DDX27: variants seen among roughly 807,000 people sequenced by gnomAD.
DDX27 encodes DEAD-box helicase 27, also known as probable ATP-dependent RNA helicase DDX27.
A neutral mutation model predicts 99.3 loss-of-function variants in DDX27; 42 were observed. The observed-to-expected ratio is 0.42, with a 90% CI of 0.33 to 0.55. DDX27 has a LOEUF of 0.55. Ranked by LOEUF, DDX27 falls within the 20% of genes least tolerant of loss-of-function variation. The probability of loss-of-function intolerance (pLI) is 0.07; values close to 1 mark genes in which losing one functional copy is unlikely to be tolerated. For synonymous variants in DDX27, 329 were observed against 353.8 expected (o/e 0.93, Z 0.79); for missense variants, 798 against 976.8 (o/e 0.82, Z 2.44).
At chr20:49,242,787 T>A in intron 19 of DDX27, 106 bp downstream of exon 19, 1 of 1,090,580 alleles carries the variant, frequency 9.2e-7, no homozygotes, top group Non-Finnish European at 1.3e-6. Context: ...CAGTGGTGCA[T>A]CTTAGCTCAC....
chr20:49,222,517 A>G (rs1979726047), intron 2 of DDX27, among the ~76,000 whole-genome samples: 1 of 151,430 alleles, frequency 6.6e-6, no homozygotes, highest in South Asian at 2.1e-4. Context: ...GAGGATTAAA[A>G]AAATTTTTTT....
At chr20:49,234,701 A>G in intron 11 of DDX27, 1 of 419,042 alleles carries the variant, frequency 2.4e-6, no homozygotes. Flanking sequence ...ACCTCTTCAG[A>G]GAGGCCAGCC....
At chr20:49,221,199 A>T (rs181305984) in intron 1 of DDX27, among the ~76,000 whole-genome samples, 189 of 152,070 alleles carry the variant, frequency 1.2e-3, no homozygotes, top group African/African-American at 4.4e-3. Context: ...TGACCTTGTG[A>T]TCCACCCACC....
chr20:49,228,064 C>T (rs1979964683), intron 7 of DDX27, among the ~76,000 whole-genome samples: 1 of 151,528 alleles, frequency 6.6e-6, no homozygotes, highest in Non-Finnish European at 1.5e-5. Flanking sequence ...TGGTCTTGAA[C>T]CCCTGACCTC....
At chr20:49,226,389 C>T (rs373326945) in intron 6 of DDX27, 41 bp from the exon 7 acceptor site, 6 of 1,534,350 alleles carry the variant, frequency 3.9e-6, no homozygotes, top group African/African-American at 2.7e-5. Context: ...GCTGAGACTT[C>T]CCCCGCTCAA....
In DDX27 at chr20:49,219,667, C is replaced by G. The variant is rs1979559185; in HGVS notation, c.93+126C>G. 3.2e-5 allele frequency: 32 copies of G among 1,009,988 alleles called. 1 individual carries two copies. In the South Asian group the frequency reaches 5.6e-4, roughly 18 times the overall value. The allele number at this position is 1,009,988 out of a possible 1,614,324, so 62.6% of individuals were successfully genotyped here. On this transcript the variant is annotated intron_variant, in intron 1 of 20. Transcript: ENST00000618172. Reference sequence around the variant, plus strand: ...CGGAAGTTTCCCGAAAAGGATCTCACCGGGACCCCAAGATCTTCCTCAGTT... The same window carrying G: ...CGGAAGTTTCCCGAAAAGGATCTCAGCGGGACCCCAAGATCTTCCTCAGTT...
chr20:49,224,737 G>A lies in DDX27; in HGVS notation c.467-208G>A, dbSNP rs141312816. 1.0e-3 allele frequency: 606 copies of A among 597,730 alleles called. 4 individuals carry two copies. The African/African-American group carries it at 0.01, about 10-fold the overall frequency. 37.0% of individuals were successfully genotyped at this position (597,730 alleles called of 1,614,324 possible). ...GTAGTGGTCGAGAGCCTGGTCTCTGGACCAGAGTCACTGGGTTAGCTTTCT... is the reference window on the plus strand; with the variant it reads ...GTAGTGGTCGAGAGCCTGGTCTCTGAACCAGAGTCACTGGGTTAGCTTTCT... On this transcript the variant is annotated intron_variant, in intron 4 of 20. Transcript: ENST00000618172.
chr20:49,223,816 G>T (rs1263258799), intron 4 of DDX27, among the ~76,000 whole-genome samples: 1 of 152,116 alleles, frequency 6.6e-6, no homozygotes, highest in Non-Finnish European at 1.5e-5. Context: ...GGGAGGCAGA[G>T]GTTGCAGTGA....
chr20:49,241,715 C>A, intron 16 of DDX27, 178 bp from the exon 17 acceptor site: 1 of 663,032 alleles, frequency 1.5e-6, no homozygotes, highest in South Asian at 1.9e-5. Flanking sequence ...GTGATCCACC[C>A]ACCTCAGCCT....
In DDX27 at chr20:49,225,162, C is replaced by G. The variant is rs371893272; in HGVS notation, c.563C>G (p.Ser188Trp). 1 of 1,613,990 alleles carries G rather than the reference C, an allele frequency of 6.2e-7. No individual in the cohort carries two copies. The highest frequency in any genetic ancestry group is 8.5e-7 in the Non-Finnish European group (1 of 1,179,994). The change falls in exon 6 of 21, where the codon TCG (serine) becomes TGG (tryptophan). Residue 188 changes from serine to tryptophan, a missense_variant. Ser to Trp is a radical substitution (Grantham distance 177, BLOSUM62 -3). Transcript: ENST00000618172. ...EDASQYDENL[S>W]FQDMNLSRPL... ...GCATCTCAGTACGATGAAAACCTCTCGTTCCAGGACATGAACCTTTCCCGC... is the reference window on the plus strand; with the variant it reads ...GCATCTCAGTACGATGAAAACCTCTGGTTCCAGGACATGAACCTTTCCCGC...
chr20:49,235,199 G>A (rs1176929694), intron 12 of DDX27, 111 bp downstream of exon 12: 1 of 1,279,360 alleles, frequency 7.8e-7, no homozygotes, highest in African/African-American at 1.5e-5. Flanking sequence ...GGGACACATA[G>A]CATGATCTTG....
intron 18 of DDX27, 147 bp downstream of exon 18, chr20:49,242,353 A>T (rs1197469561): frequency 7.2e-7 from 1 of 1,387,414 alleles, no homozygotes; most frequent in Non-Finnish European, 9.6e-7. Flanking sequence ...CTATCCCTCC[A>T]CGGTCTAAGG....
Position 49,226,451 on chromosome 20 carries a change from A to G in DDX27, c.622A>G (p.Lys208Glu), listed in dbSNP as rs772103616. The G allele has an allele frequency of 6.2e-7, 1 of 1,613,794 alleles. No individual in the cohort carries two copies. The highest frequency in any genetic ancestry group is 8.5e-7 in the Non-Finnish European group (1 of 1,179,846). The change falls in exon 7 of 21, where the codon AAG (lysine) becomes GAG (glutamate). Residue 208 changes from lysine (K) to glutamate (E), a missense_variant. Around this residue, in one of 2 missense-constraint regions of DDX27, gnomAD observed 553 missense variants for 727.9 expected, o/e 0.76. Coordinates refer to ENST00000618172, the MANE Select transcript of DDX27 (RefSeq NM_017895.8). ...TCAGGCCATTACAGCCATGGGCTTC[A>G]AGCAGCCCACCCCGATCCAGAAGGC... ...LLKAITAMGF[K>E]QPTPIQKACI...
intron 19 of DDX27, 128 bp from the exon 20 acceptor site, chr20:49,243,501 C>G: frequency 1.3e-6 from 1 of 799,230 alleles, no homozygotes; most frequent in South Asian, 1.5e-5. Context: ...AGGCTTAGAA[C>G]TTAGGGCCTG....
rs1472345714 is a variant in DDX27, at chr20:49,228,827, G to GGT, written c.821_822dup (p.His275CysfsTer25). The GGT allele has an allele frequency of 1.2e-6, 2 of 1,612,462 alleles. No individual in the cohort carries two copies. Reference sequence around the variant, plus strand: ...TGCCCACCCGAGAGCTGGGCATCCAGGTGCACTCTGTCACCAGACAGCTGG... The same window carrying GGT: ...TGCCCACCCGAGAGCTGGGCATCCAGGTGTGCACTCTGTCACCAGACAGCTGG... On this transcript the variant is annotated frameshift_variant, in exon 8 of 21. Coordinates refer to ENST00000618172, the MANE Select transcript of DDX27 (RefSeq NM_017895.8). LOFTEE classifies it high-confidence loss of function.
intron 2 of DDX27, 41 bp from the exon 3 acceptor site, chr20:49,222,915 TC>T (rs1288026692): frequency 6.6e-7 from 1 of 1,526,206 alleles, no homozygotes; most frequent in Admixed American, 2.1e-5. Context: ...ATTCGATGTT[TC>T]AATGAAAATT....
Position 49,236,289 on chromosome 20 carries a change from C to A in DDX27, c.1510-44C>A. The A allele has an allele frequency of 6.4e-7, 1 of 1,567,950 alleles. No individual in the cohort carries two copies. Among genetic ancestry groups the A allele is most frequent in the Non-Finnish European group, 8.7e-7 (1 of 1,153,880 alleles). On this transcript the variant is annotated intron_variant, in intron 13 of 20. Coordinates refer to ENST00000618172, the MANE Select transcript of DDX27 (RefSeq NM_017895.8). This position sits in a 1 kb window ranked among gnomAD's most constrained non-coding sequence, Gnocchi z 4.1. Reference sequence around the variant, plus strand: ...TGGAAGTCTTTTTGCCTCTTCGCACCCCCCTTCCCTTGCCAGGCCTGACGT... The same window carrying A: ...TGGAAGTCTTTTTGCCTCTTCGCACACCCCTTCCCTTGCCAGGCCTGACGT...
chr20:49,224,451 C>T (rs1038283055), intron 4 of DDX27, among the ~76,000 whole-genome samples: 1 of 151,628 alleles, frequency 6.6e-6, no homozygotes, highest in South Asian at 2.1e-4. Context: ...CAACCTCTGC[C>T]TCCCGGGTGC....
At chr20:49,226,638 T>G (rs1979898223) in intron 7 of DDX27, 103 bp downstream of exon 7, 3 of 695,114 alleles carry the variant, frequency 4.3e-6, no homozygotes, top group Non-Finnish European at 7.0e-6. Context: ...ATATTCTTGG[T>G]TTTTTGAACT....
Sources: gnomAD v4.1 joint callset for allele counts (sites outside exome capture counted in the v4.1 genomes callset) on GRCh38, gnomAD v4.1.1 for gene constraint, gnomAD v4.1.1 regional missense constraint, Gnocchi (gnomAD v3.1) non-coding constraint, MANE v1.5 for transcripts, NCBI Gene and HGNC (gene_info 2026-07-23, HGNC 2026-07-21) for gene names.